The following RFPL1 variants were observed in gnomAD, a reference collection of about 807,000 sequenced individuals.
RFPL1 encodes ret finger protein-like 1.
In RFPL1, 6 loss-of-function variants were observed where a neutral mutation model predicts 9.6. That is an observed-to-expected ratio of 0.62 (90% CI 0.34 to 1.23). RFPL1 has a LOEUF of 1.23. Among genes scored for constraint, RFPL1 ranks in the 50% most tolerant of loss-of-function variants. The probability of loss-of-function intolerance (pLI) is 0.03; values close to 1 mark genes in which losing one functional copy is unlikely to be tolerated. For missense variants in RFPL1, 352 were observed against 398.4 expected, an observed-to-expected ratio of 0.88 and a Z score of 0.99; for synonymous variants, 145 against 149.4, an observed-to-expected ratio of 0.97 and a Z score of 0.22.
chr22:29,437,841 G>A (rs1057170211), upstream of RFPL1: 3 of 1,075,490 alleles, frequency 2.8e-6, no homozygotes, highest in African/African-American at 3.4e-5. Flanking sequence ...AACAAAGGCT[G>A]TCTGAGTGCT....
chr22:29,432,924 G>A, the RFPL1 span: 3 of 152,140 alleles, frequency 2.0e-5, no homozygotes, highest in Non-Finnish European at 4.4e-5. Context: ...ATCATGTACC[G>A]TTTCTGCAGA....
chr22:29,431,779 G>A, the RFPL1 span, among the ~76,000 whole-genome samples: 8 of 151,252 alleles, frequency 5.3e-5, no homozygotes, highest in South Asian at 6.3e-4. Context: ...TCCATCTCCC[G>A]GAGACGATTC....
the RFPL1 span, among the ~76,000 whole-genome samples, chr22:29,389,503 G>A: frequency 6.6e-6 from 1 of 151,562 alleles, no homozygotes; most frequent in Non-Finnish European, 1.5e-5. Flanking sequence ...TGGTTAACAT[G>A]GTGAAACCCC....
the RFPL1 span, among the ~76,000 whole-genome samples, chr22:29,392,931 A>G: frequency 3.9e-5 from 6 of 152,160 alleles, no homozygotes; most frequent in Non-Finnish European, 8.8e-5. Context: ...CTAAAATATA[A>G]TCATCACTGC....
At chr22:29,392,231 C>T in the RFPL1 span, among the ~76,000 whole-genome samples, 2 of 152,048 alleles carry the variant, frequency 1.3e-5, no homozygotes, top group South Asian at 2.1e-4. Context: ...AGGCGCCCAC[C>T]ACCAAACCCA....
the RFPL1 span, among the ~76,000 whole-genome samples, chr22:29,429,227 C>G: frequency 6.6e-6 from 1 of 152,012 alleles, no homozygotes; most frequent in Non-Finnish European, 1.5e-5. Context: ...GTGAATTTTT[C>G]TATTTTTTGT....
At chr22:29,422,870 T>C in the RFPL1 span, among the ~76,000 whole-genome samples, 1 of 152,142 alleles carries the variant, frequency 6.6e-6, no homozygotes, top group Non-Finnish European at 1.5e-5. Flanking sequence ...TGTGTCTTCT[T>C]TCCCCTGGAA....
the RFPL1 span, among the ~76,000 whole-genome samples, chr22:29,420,637 T>TG: frequency 7.8e-6 from 1 of 128,784 alleles, no homozygotes; most frequent in African/African-American, 2.9e-5. Flanking sequence ...TTTTTTGCTT[T>TG]TTTTTTTTTT....
At chr22:29,400,983 C>T in the RFPL1 span, among the ~76,000 whole-genome samples, 1 of 152,216 alleles carries the variant, frequency 6.6e-6, no homozygotes, top group South Asian at 2.1e-4. Context: ...TGCTGATGAA[C>T]ACTCAGGTGC....
chr22:29,416,428 T>A, the RFPL1 span, among the ~76,000 whole-genome samples: 1 of 152,134 alleles, frequency 6.6e-6, no homozygotes, highest in Non-Finnish European at 1.5e-5. Flanking sequence ...ACTTGATGTT[T>A]AGCAGAGAGA....
chr22:29,434,682 G>C (rs2062800627), upstream of RFPL1: 1 of 153,358 alleles, frequency 6.5e-6, no homozygotes, highest in Non-Finnish European at 1.5e-5. Context: ...AGAATTGTGT[G>C]GTCTTCAGAA....
At chr22:29,411,292 G>A in the RFPL1 span, among the ~76,000 whole-genome samples, 7 of 152,208 alleles carry the variant, frequency 4.6e-5, no homozygotes, top group East Asian at 9.7e-4. Context: ...GAAAATGAAG[G>A]CTCAGAAAGG....
At chr22:29,415,034 G>A in the RFPL1 span, among the ~76,000 whole-genome samples, 2 of 151,980 alleles carry the variant, frequency 1.3e-5, no homozygotes, top group African/African-American at 4.8e-5. Context: ...ACGCCCGTTC[G>A]TCAAGCAGTT....
intron 1 of RFPL1, chr22:29,439,826 A>G (rs911017986): frequency 1.3e-5 from 2 of 152,476 alleles, no homozygotes; most frequent in African/African-American, 4.8e-5. Context: ...CTCTCTAGCA[A>G]AGGTTCCCAG....
At chr22:29,416,418 A>G in the RFPL1 span, among the ~76,000 whole-genome samples, 122 of 151,500 alleles carry the variant, frequency 8.1e-4, no homozygotes, top group African/African-American at 1.8e-3. Flanking sequence ...GTGTCACAGC[A>G]CTTGATGTTT....
chr22:29,394,404 G>A, the RFPL1 span, among the ~76,000 whole-genome samples: 2 of 151,196 alleles, frequency 1.3e-5, no homozygotes, highest in South Asian at 2.1e-4. Context: ...GTGCGGTGGT[G>A]CGGTCTTGGC....
the RFPL1 span, among the ~76,000 whole-genome samples, chr22:29,414,602 TC>T: frequency 1.3e-5 from 2 of 152,172 alleles, no homozygotes; most frequent in Non-Finnish European, 2.9e-5. Context: ...TGTTTTTTTT[TC>T]CTTAATCACC....
At chr22:29,430,420 G>A in the RFPL1 span, among the ~76,000 whole-genome samples, 10 of 152,022 alleles carry the variant, frequency 6.6e-5, no homozygotes, top group South Asian at 1.5e-3. Flanking sequence ...GTATATATAC[G>A]CATTTAAATA....
At chr22:29,412,678 T>C in the RFPL1 span, among the ~76,000 whole-genome samples, 8 of 152,242 alleles carry the variant, frequency 5.3e-5, no homozygotes, top group East Asian at 1.5e-3. Context: ...TTAGGCCCCA[T>C]GAATGTTTTA....
Sources: allele counts gnomAD v4.1 joint callset (sites outside exome capture counted in the v4.1 genomes callset), GRCh38; gene constraint gnomAD v4.1.1; transcripts MANE v1.5; gene names NCBI Gene and HGNC (gene_info 2026-07-23, HGNC 2026-07-21).